Variants in MCOLN2 observed in about 807,000 individuals in gnomAD.
MCOLN2 encodes mucolipin-2.
In MCOLN2, 57 loss-of-function variants were observed where a neutral mutation model predicts 67.5. The observed-to-expected ratio is 0.84, with a 90% CI of 0.68 to 1.05. The LOEUF is 1.05. Among genes scored for constraint, MCOLN2 ranks in the 50% least tolerant of loss-of-function variants. The pLI is 0.00. For synonymous variants in MCOLN2, 246 were observed against 233.3 expected (o/e 1.05, Z -0.50); for missense variants, 620 against 678.8 (o/e 0.91, Z 0.96).
chr1:84,984,724 G>A (rs1650420284), intron 1 of MCOLN2, among the ~76,000 whole-genome samples: 1 of 152,072 alleles, frequency 6.6e-6, no homozygotes, highest in Non-Finnish European at 1.5e-5. Flanking sequence ...GGCCAAATGT[G>A]GTGGTTCTTG....
intron 11 of MCOLN2, 132 bp from the exon 12 acceptor site, chr1:84,931,700 A>G: frequency 1.4e-6 from 1 of 740,168 alleles, no homozygotes; most frequent in Non-Finnish European, 2.3e-6. Context: ...AAGATGCTAG[A>G]ACACCATAAG....
intron 1 of MCOLN2, among the ~76,000 whole-genome samples, chr1:84,969,094 G>A (rs1202822762): frequency 1.3e-5 from 2 of 151,964 alleles, no homozygotes; most frequent in African/African-American, 4.8e-5. Context: ...ACCCGGGGAG[G>A]GCACGGAAGC....
intron 3 of MCOLN2, 127 bp from the exon 4 acceptor site, chr1:84,956,711 C>A: frequency 1.4e-6 from 1 of 736,534 alleles, no homozygotes; most frequent in South Asian, 2.2e-5. Context: ...TAGAACTTCC[C>A]AATTTAAAAT....
intron 1 of MCOLN2, among the ~76,000 whole-genome samples, chr1:84,978,404 T>A (rs138646063): frequency 2.7e-4 from 31 of 112,992 alleles, no homozygotes; most frequent in African/African-American, 9.5e-4. Context: ...TAAATGAAAC[T>A]GAAATAAAGA....
chr1:84,939,587 A>G lies in MCOLN2; in HGVS notation c.1076T>C (p.Ile359Thr), dbSNP rs773517720. Reference sequence around the variant, plus strand: ...GATTTCCATTTTTAATATGGAGCCAATGATTGTCATTAGGTCGCTGATAAT... The same window carrying G: ...GATTTCCATTTTTAATATGGAGCCAGTGATTGTCATTAGGTCGCTGATAAT... ...LVIISDLMTI[I>T]GSILKMEIKA... Residue 359 changes from isoleucine (I) to threonine (T), a missense_variant, in exon 9 of 14, where the codon ATT becomes ACT. Coordinates refer to ENST00000370608, the MANE Select transcript of MCOLN2 (RefSeq NM_153259.4). 13 of 1,613,994 alleles carry G rather than the reference A, an allele frequency of 8.1e-6. No homozygotes were observed. Among genetic ancestry groups the G allele is most frequent in the Non-Finnish European group, 1.1e-5 (13 of 1,179,992 alleles).
At chr1:84,964,552 G>T (rs1649274661) in intron 2 of MCOLN2, among the ~76,000 whole-genome samples, 1 of 151,810 alleles carries the variant, frequency 6.6e-6, no homozygotes, top group Non-Finnish European at 1.5e-5. Flanking sequence ...ATGGTTTCAG[G>T]ATGATTCAAG....
At chr1:84,977,535 G>C (rs557514463) in intron 1 of MCOLN2, among the ~76,000 whole-genome samples, 2 of 152,064 alleles carry the variant, frequency 1.3e-5, no homozygotes, top group South Asian at 4.2e-4. Context: ...GAAAATAAAG[G>C]GATGGAGAAA....
chr1:84,950,195 C>T (rs1347553932), intron 6 of MCOLN2, among the ~76,000 whole-genome samples: 1 of 152,172 alleles, frequency 6.6e-6, no homozygotes, highest in Non-Finnish European at 1.5e-5. Flanking sequence ...AAAATGTTCA[C>T]ATCACAAGAT....
rs374615344 is a variant in MCOLN2, at chr1:84,986,306, C to T, written c.77+10490G>A. On this transcript the variant is annotated intron_variant, in intron 1 of 13. Transcript: ENST00000370608. ...CTATAATCCCATCATTTTGGGAGACCGAGGTGGGCAGATCACCTGAGGTTG... is the reference window on the plus strand; with the variant it reads ...CTATAATCCCATCATTTTGGGAGACTGAGGTGGGCAGATCACCTGAGGTTG... Among the ~76,000 whole-genome samples, 35 of 152,198 alleles carry T rather than the reference C, an allele frequency of 2.3e-4. No individual in the cohort carries two copies. In the South Asian group the frequency reaches 6.0e-3, roughly 26 times the overall value.
chr1:84,939,796 G>A, intron 8 of MCOLN2, 94 bp from the exon 9 acceptor site: 8 of 1,345,134 alleles, frequency 5.9e-6, no homozygotes, highest in Non-Finnish European at 8.3e-6. Flanking sequence ...CCTGTAAAAG[G>A]ACATGGCATT....
intron 1 of MCOLN2, among the ~76,000 whole-genome samples, chr1:84,995,349 T>C (rs1021576546): frequency 2.6e-5 from 4 of 152,208 alleles, no homozygotes; most frequent in Non-Finnish European, 5.9e-5. Flanking sequence ...TTGAATTAAA[T>C]GCAGTATCTA....
chr1:84,931,560 A>G lies in MCOLN2; in HGVS notation c.1344T>C (p.Asn448=). The G allele has an allele frequency of 2.5e-6, 4 of 1,613,652 alleles. No homozygotes were observed. Among genetic ancestry groups the G allele is most frequent in the South Asian group, 1.1e-5 (1 of 90,962 alleles). The stretch of plus-strand genomic sequence containing the variant: ...ACAGACACTCAGCAACTGTGTTCAG[A>G]TTTTCAAACTGTAGGGGGAAATAAA... The part of the protein sequence containing the change: ...VLGPYHDKFE[N]LNTVAECLFS... Residue 448 remains asparagine (N), a synonymous_variant, in exon 12 of 14, where the codon AAT becomes AAC. Transcript: ENST00000370608.
intron 11 of MCOLN2, among the ~76,000 whole-genome samples, chr1:84,932,373 G>A (rs368703158): frequency 5.3e-5 from 8 of 152,100 alleles, no homozygotes; most frequent in South Asian, 4.2e-4. Flanking sequence ...CACCAAGCCC[G>A]GCTAATTTTT....
chr1:84,963,693 C>T (rs1649217690), intron 2 of MCOLN2, among the ~76,000 whole-genome samples: 1 of 152,166 alleles, frequency 6.6e-6, no homozygotes, highest in African/African-American at 2.4e-5. Context: ...TTTGCTCTCT[C>T]TCATGCTCTG....
chr1:84,951,839 G>A (rs535621527), intron 6 of MCOLN2, among the ~76,000 whole-genome samples: 10 of 152,328 alleles, frequency 6.6e-5, no homozygotes, highest in East Asian at 1.9e-4. Context: ...TTGGGAGGCC[G>A]AGGCAGGCAG....
chr1:84,985,688 C>A (rs538058130), intron 1 of MCOLN2, among the ~76,000 whole-genome samples: 16 of 152,048 alleles, frequency 1.1e-4, no homozygotes, highest in African/African-American at 3.9e-4. Flanking sequence ...CCTTTCACAA[C>A]AGCTGCAAAA....
chr1:84,978,252 T>C (rs1039030168), intron 1 of MCOLN2, among the ~76,000 whole-genome samples: 2 of 149,062 alleles, frequency 1.3e-5, no homozygotes, highest in Non-Finnish European at 3.0e-5. Context: ...TAAAAGAGAA[T>C]TTTATAGCTT....
chr1:84,927,787 T>C (rs1180569598), intron 13 of MCOLN2, among the ~76,000 whole-genome samples: 2 of 152,028 alleles, frequency 1.3e-5, no homozygotes, highest in Admixed American at 1.3e-4. Flanking sequence ...GTCCCTAGCT[T>C]TTATTTTATT....
chr1:84,989,863 T>G (rs201529868), intron 1 of MCOLN2, among the ~76,000 whole-genome samples: 1 of 152,118 alleles, frequency 6.6e-6, no homozygotes, highest in Non-Finnish European at 1.5e-5. Context: ...CCAGTGAACA[T>G]TGAACAATAA....
Sources: gnomAD v4.1 joint callset for allele counts (sites outside exome capture counted in the v4.1 genomes callset) on GRCh38, gnomAD v4.1.1 for gene constraint, MANE v1.5 for transcripts, NCBI Gene and HGNC (gene_info 2026-07-23, HGNC 2026-07-21) for gene names.